ABHD5: variants seen among roughly 807,000 people sequenced by gnomAD.
ABHD5 encodes abhydrolase domain containing 5, lysophosphatidic acid acyltransferase.
A neutral mutation model predicts 44.9 loss-of-function variants in ABHD5; 30 were observed. That is an observed-to-expected ratio of 0.67 (90% CI 0.50 to 0.91). ABHD5 has a LOEUF of 0.91. Ranked by LOEUF, ABHD5 falls within the 40% of genes least tolerant of loss-of-function variation. The pLI, the probability that ABHD5 is intolerant of heterozygous loss-of-function variation, is 0.00. For missense variants in ABHD5, 399 were observed against 423.4 expected, an observed-to-expected ratio of 0.94 and a Z score of 0.50; for synonymous variants, 167 against 147.0, an observed-to-expected ratio of 1.14 and a Z score of -0.99.
intron 1 of ABHD5, chr3:43,694,758 T>C (rs1258743852): frequency 1.3e-5 from 2 of 152,170 alleles, no homozygotes; most frequent in African/African-American, 4.8e-5. Context: ...TGTGTTAACA[T>C]ATATTAGAGG....
chr3:43,690,969 C>T lies in ABHD5; in HGVS notation c.-24C>T, dbSNP rs189850893. ...CCTGTCAGCCGGCTTCGAGATAAGTCCCGGCGCTTGCGCGGCGGCGGCTAT... is the reference window on the plus strand; with the variant it reads ...CCTGTCAGCCGGCTTCGAGATAAGTTCCGGCGCTTGCGCGGCGGCGGCTAT... On this transcript the variant is annotated 5_prime_UTR_variant, in exon 1 of 7. Coordinates refer to ENST00000644371, the MANE Select transcript of ABHD5 (RefSeq NM_016006.6). 158 of 1,567,596 alleles carry T rather than the reference C, an allele frequency of 1.0e-4. No homozygotes were observed. In the Middle Eastern group the frequency reaches 1.4e-3, roughly 14 times the overall value.
intron 3 of ABHD5, among the ~76,000 whole-genome samples, chr3:43,703,875 CTT>C (rs1215134746): frequency 6.6e-6 from 1 of 152,050 alleles, no homozygotes; most frequent in Non-Finnish European, 1.5e-5. Context: ...TCTATAGACT[CTT>C]TATCTAAACT....
chr3:43,715,393 C>T (rs1363329651), intron 5 of ABHD5, among the ~76,000 whole-genome samples: 4 of 152,072 alleles, frequency 2.6e-5, no homozygotes, highest in African/African-American at 7.2e-5. Flanking sequence ...GAACTTCTGA[C>T]CCCAGGTCAT....
intron 1 of ABHD5, among the ~76,000 whole-genome samples, chr3:43,695,866 TG>T (rs2084467743): frequency 6.6e-6 from 1 of 152,250 alleles, no homozygotes; most frequent in African/African-American, 2.4e-5. Flanking sequence ...ACATCTTACT[TG>T]GCTTTCCTTA....
chr3:43,715,137 C>G, intron 5 of ABHD5, 79 bp downstream of exon 5: 1 of 952,860 alleles, frequency 1.0e-6, no homozygotes, highest in South Asian at 1.6e-5. Flanking sequence ...GTGTTTTAGA[C>G]TATTTTTTTT....
chr3:43,706,228 T>C (rs749869050), intron 3 of ABHD5, among the ~76,000 whole-genome samples: 8 of 152,206 alleles, frequency 5.3e-5, no homozygotes, highest in Non-Finnish European at 1.2e-4. Context: ...AACAAACAGG[T>C]ACTGAACTAC....
intron 5 of ABHD5, 88 bp downstream of exon 5, chr3:43,715,146 T>A: frequency 1.1e-6 from 1 of 900,658 alleles, no homozygotes; most frequent in Non-Finnish European, 1.8e-6. Context: ...ACTATTTTTT[T>A]TAAAACTATT....
At chr3:43,703,555 G>A (rs1398945803) in intron 3 of ABHD5, among the ~76,000 whole-genome samples, 1 of 152,138 alleles carries the variant, frequency 6.6e-6, no homozygotes, top group African/African-American at 2.4e-5. Context: ...TAAGTGCTAA[G>A]AAAACAGGAG....
intron 7 of ABHD5, among the ~76,000 whole-genome samples, chr3:43,731,916 G>A (rs951919000): frequency 6.6e-6 from 1 of 151,916 alleles, no homozygotes; most frequent in African/African-American, 2.4e-5. Context: ...AATAAGTGTG[G>A]GACCCCTCTG....
chr3:43,693,592 G>A (rs1162304185), intron 1 of ABHD5, among the ~76,000 whole-genome samples: 2 of 152,020 alleles, frequency 1.3e-5, no homozygotes, highest in Non-Finnish European at 2.9e-5. Context: ...TGGCCTTCTA[G>A]TTTTTTTCAG....
chr3:43,694,749 GT>G (rs1452802892), intron 1 of ABHD5, among the ~76,000 whole-genome samples: 1 of 152,074 alleles, frequency 6.6e-6, no homozygotes, highest in East Asian at 1.9e-4. Context: ...ATTAATTAAT[GT>G]GTTAACATAT....
At chr3:43,694,258 C>CAAAAAAAA (rs80129256) in intron 1 of ABHD5, among the ~76,000 whole-genome samples, 1 of 45,546 alleles carries the variant, frequency 2.2e-5, no homozygotes, top group Non-Finnish European at 4.6e-5. Flanking sequence ...GACTCCGTCT[C>CAAAAAAAA]AAAAAAAAAA....
intron 1 of ABHD5, chr3:43,694,879 CT>C (rs975833336): frequency 3.3e-5 from 5 of 149,452 alleles, no homozygotes; most frequent in South Asian, 4.2e-4. Context: ...AGACCATATT[CT>C]TTTTTTTTTG....
chr3:43,728,049 C>T (rs759003769), intron 7 of ABHD5, among the ~76,000 whole-genome samples: 5 of 152,196 alleles, frequency 3.3e-5, no homozygotes, highest in African/African-American at 4.8e-5. Flanking sequence ...CTTTGACTTT[C>T]GCTGACCTCA....
At chr3:43,717,155 A>G (rs1287647073) in intron 5 of ABHD5, among the ~76,000 whole-genome samples, 1 of 152,086 alleles carries the variant, frequency 6.6e-6, no homozygotes, top group African/African-American at 2.4e-5. Context: ...AGCCTAGGCA[A>G]CAGAGCTAGA....
Position 43,718,725 on chromosome 3 carries a change from T to A in ABHD5, c.*193T>A. On this transcript the variant is annotated 3_prime_UTR_variant, in exon 7 of 7. Coordinates refer to ENST00000644371, the MANE Select transcript of ABHD5 (RefSeq NM_016006.6). ...GTGCCTTCTAGAAGAATGGCTTTCCTTTCTCCTACACAAAATTGAAATATA... is the reference window on the plus strand; with the variant it reads ...GTGCCTTCTAGAAGAATGGCTTTCCATTCTCCTACACAAAATTGAAATATA... 2 of 594,896 alleles carry A rather than the reference T, an allele frequency of 3.4e-6. No homozygotes were observed. Among genetic ancestry groups the A allele is most frequent in the Middle Eastern group, 3.1e-4 (1 of 3,198 alleles). 36.9% of individuals were successfully genotyped at this position (594,896 alleles called of 1,614,324 possible).
chr3:43,716,016 A>C (rs1253586955), intron 5 of ABHD5, among the ~76,000 whole-genome samples: 2 of 152,292 alleles, frequency 1.3e-5, no homozygotes, highest in East Asian at 3.9e-4. Context: ...AGTGATTAGA[A>C]GGAGAGAGAG....
chr3:43,701,190 T>C (rs1290063818), intron 2 of ABHD5, among the ~76,000 whole-genome samples: 1 of 152,216 alleles, frequency 6.6e-6, no homozygotes, highest in East Asian at 1.9e-4. Context: ...GACGTATGTG[T>C]TCAAAATGCT....
rs2084847659 is a variant in ABHD5 at position 43,722,448 on chromosome 3, TCTC to T, written c.*3919_*3921del. 1 of 152,194 alleles carries T rather than the reference TCTC, an allele frequency of 6.6e-6. No homozygotes were observed. Among genetic ancestry groups the T allele is most frequent in the African/African-American group, 2.4e-5 (1 of 41,446 alleles). The allele number at this position is 152,194 out of a possible 1,614,324, so 9.4% of individuals were successfully genotyped here. A position where few individuals can be genotyped will look rare whatever the true frequency, so the allele number is the denominator to read the frequency against. ...GTTATACCAATAACTAATAAAATGA[TCTC>T]CTTGTTAGTGGTGGTAGGGAGCTAG... On this transcript the variant is annotated 3_prime_UTR_variant, in exon 7 of 7. Coordinates refer to ENST00000644371, the MANE Select transcript of ABHD5 (RefSeq NM_016006.6).
Sources: allele counts gnomAD v4.1 joint callset (sites outside exome capture counted in the v4.1 genomes callset), GRCh38; gene constraint gnomAD v4.1.1; transcripts MANE v1.5; gene names NCBI Gene and HGNC (gene_info 2026-07-23, HGNC 2026-07-21).